The following NRXN1 variants were observed in gnomAD, a reference collection of about 807,000 sequenced individuals.
NRXN1 encodes neurexin-1.
NRXN1 carries 39 observed loss-of-function variants against 150.9 expected under a neutral mutation model. The observed-to-expected ratio is 0.26, with a 90% confidence interval of 0.20 to 0.34. The LOEUF (loss-of-function observed/expected upper bound fraction) is 0.34, where lower values mean the gene tolerates loss of function less well. NRXN1 is among the 10% of genes least tolerant of loss of function. The pLI, the probability that NRXN1 is intolerant of heterozygous loss-of-function variation, is 1.00. For synonymous variants in NRXN1, 924 were observed against 757.0 expected (o/e 1.22, Z -3.62); for missense variants, 1,815 against 1,949.9 (o/e 0.93, Z 1.30).
At chr2:49,949,159 T>C (rs1298580114) in intron 21 of NRXN1, among the ~76,000 whole-genome samples, 1 of 152,002 alleles carries the variant, frequency 6.6e-6, no homozygotes, top group Non-Finnish European at 1.5e-5. Flanking sequence ...GGCAAAAGAA[T>C]GTTCTTAATG....
chr2:49,979,060 A>G (rs1271053665), intron 21 of NRXN1, among the ~76,000 whole-genome samples: 1 of 152,130 alleles, frequency 6.6e-6, no homozygotes, highest in East Asian at 1.9e-4. Flanking sequence ...GTTCTTTGGG[A>G]GGCCGAAGCA....
chr2:50,496,253 C>T (rs565004747), intron 14 of NRXN1, among the ~76,000 whole-genome samples, 158 bp from the exon 15 acceptor site: 48 of 152,092 alleles, frequency 3.2e-4, no homozygotes, highest in Non-Finnish European at 5.3e-4. Flanking sequence ...AAGAAGGTAA[C>T]AAACACTATT....
chr2:50,437,720 G>T (rs1159365753), intron 17 of NRXN1, among the ~76,000 whole-genome samples: 1 of 152,174 alleles, frequency 6.6e-6, no homozygotes, highest in South Asian at 2.1e-4. Flanking sequence ...GTGTGTGTGT[G>T]TGTGTGTGTG....
At chr2:50,838,688 A>G (rs1415980235) in intron 5 of NRXN1, among the ~76,000 whole-genome samples, 1 of 152,108 alleles carries the variant, frequency 6.6e-6, no homozygotes, top group Non-Finnish European at 1.5e-5. Context: ...CTGTATGACT[A>G]GAGTGACGCA....
chr2:49,952,316 C>T (rs769576854), intron 21 of NRXN1, among the ~76,000 whole-genome samples: 4 of 151,962 alleles, frequency 2.6e-5, no homozygotes, highest in Non-Finnish European at 4.4e-5. Context: ...TAAGTAACCA[C>T]TAAAATTGTC....
chr2:51,013,205 G>A (rs759215870), intron 2 of NRXN1, among the ~76,000 whole-genome samples: 3 of 152,076 alleles, frequency 2.0e-5, no homozygotes, highest in East Asian at 1.9e-4. Flanking sequence ...GCTCAACAAC[G>A]TTTAAGGAAA....
At chr2:50,021,424 T>C (rs547060315) in intron 21 of NRXN1, among the ~76,000 whole-genome samples, 1 of 152,324 alleles carries the variant, frequency 6.6e-6, no homozygotes, top group South Asian at 2.1e-4. Context: ...AAATCAAGTG[T>C]AAGCAAAGAC....
intron 15 of NRXN1, among the ~76,000 whole-genome samples, chr2:50,477,648 C>G (rs1162256046): frequency 1.3e-5 from 2 of 152,108 alleles, no homozygotes; most frequent in Non-Finnish European, 2.9e-5. Context: ...TTTTTTGAAC[C>G]TCTTAAATAT....
chr2:50,927,047 T>C (rs1057157907), intron 2 of NRXN1, among the ~76,000 whole-genome samples: 1 of 151,942 alleles, frequency 6.6e-6, no homozygotes, highest in African/African-American at 2.4e-5. Context: ...AATGTTCTAA[T>C]AGTAAACTCT....
At chr2:49,968,136 A>T (rs892295645) in intron 21 of NRXN1, among the ~76,000 whole-genome samples, 3 of 129,906 alleles carry the variant, frequency 2.3e-5, no homozygotes, top group Non-Finnish European at 5.1e-5. Flanking sequence ...ACTCCATCCC[A>T]CCAAAAAAAA....
chr2:50,084,478 CACAGGGCCGGCCGGCCGCTGCAAGT>C (rs1558842830), intron 19 of NRXN1, among the ~76,000 whole-genome samples: 2 of 152,194 alleles, frequency 1.3e-5, no homozygotes, highest in Non-Finnish European at 2.9e-5. Flanking sequence ...TGCCGGGGCC[CACAGGGCCGGCCGGCCGCTGCAAGT>C]GCAGGGCCCA....
intron 21 of NRXN1, among the ~76,000 whole-genome samples, chr2:49,971,693 G>T (rs767985930): frequency 2.0e-5 from 3 of 152,188 alleles, no homozygotes; most frequent in Non-Finnish European, 2.9e-5. Context: ...CAAGTGAGGA[G>T]CATATTGCTG....
At chr2:50,098,745 G>A (rs1280923112) in intron 18 of NRXN1, among the ~76,000 whole-genome samples, 1 of 150,584 alleles carries the variant, frequency 6.6e-6, no homozygotes, top group Admixed American at 6.7e-5. Flanking sequence ...AGTGTTCCAG[G>A]AAAATGTCTT....
chr2:50,771,580 C>A (rs1271027125), intron 5 of NRXN1, among the ~76,000 whole-genome samples: 1 of 151,922 alleles, frequency 6.6e-6, no homozygotes, highest in Non-Finnish European at 1.5e-5. Context: ...AGCAAAAACA[C>A]AGAGGTGAGA....
intron 2 of NRXN1, among the ~76,000 whole-genome samples, chr2:50,985,065 T>A (rs1697478140): frequency 1.3e-5 from 2 of 151,724 alleles, no homozygotes; most frequent in Admixed American, 1.3e-4. Flanking sequence ...TCCAGAAGAG[T>A]GCTAGAAAAC....
chr2:50,063,455 A>G (rs1694871173), intron 19 of NRXN1, among the ~76,000 whole-genome samples: 6 of 151,606 alleles, frequency 4.0e-5, no homozygotes, highest in Admixed American at 3.9e-4. Flanking sequence ...CAATTCCTTT[A>G]GCTAAGCCAA....
intron 21 of NRXN1, among the ~76,000 whole-genome samples, chr2:49,966,429 G>C (rs1257396625): frequency 6.6e-6 from 1 of 151,638 alleles, no homozygotes; most frequent in Non-Finnish European, 1.5e-5. Flanking sequence ...GAAAATCTCA[G>C]ATGCAGATTC....
chr2:50,295,713 C>A (rs751225133), intron 17 of NRXN1, among the ~76,000 whole-genome samples: 21 of 152,068 alleles, frequency 1.4e-4, no homozygotes, highest in Admixed American at 4.6e-4. Flanking sequence ...GGCAATCTGA[C>A]AAAAATAACT....
intron 13 of NRXN1, 128 bp downstream of exon 13, chr2:50,506,367 A>T: frequency 1.3e-6 from 1 of 777,820 alleles, no homozygotes; most frequent in East Asian, 3.0e-5. Context: ...CTAGAAAAAA[A>T]TAGAATAAAA....
Sources: gnomAD v4.1 joint callset for allele counts (sites outside exome capture counted in the v4.1 genomes callset) on GRCh38, gnomAD v4.1.1 for gene constraint, MANE v1.5 for transcripts, NCBI Gene and HGNC (gene_info 2026-07-23, HGNC 2026-07-21) for gene names.